The following ATP13A3 variants were observed in gnomAD, a reference collection of about 807,000 sequenced individuals.
ATP13A3 encodes polyamine-transporting ATPase 13A3.
ATP13A3 carries 59 observed loss-of-function variants against 158.1 expected under a neutral mutation model. That is an observed-to-expected ratio of 0.37 (90% CI 0.30 to 0.46). ATP13A3 has a LOEUF of 0.46. Among genes scored for constraint, ATP13A3 ranks in the 20% least tolerant of loss-of-function variants. The pLI is 1.00. For missense variants in ATP13A3, 1,166 were observed against 1,525.2 expected (o/e 0.76, Z 3.92); for synonymous variants, 491 against 504.3 (o/e 0.97, Z 0.35).
chr3:194,474,941 A>G (rs1300580437), intron 2 of ATP13A3, among the ~76,000 whole-genome samples: 1 of 152,258 alleles, frequency 6.6e-6, no homozygotes, highest in African/African-American at 2.4e-5. Context: ...TTGAGTTTAA[A>G]TTACTAATTA....
chr3:194,410,939 T>G (rs376394129), intron 33 of ATP13A3, among the ~76,000 whole-genome samples: 164 of 92,890 alleles, frequency 1.8e-3, no homozygotes, highest in Non-Finnish European at 2.0e-3. Flanking sequence ...GGTGTTGGGG[T>G]GTGTGTGTGT....
At position 194,434,517 on chromosome 3, in the gene ATP13A3, C is replaced by A. The variant is rs575679207; in HGVS notation, c.2121-621G>T. ...AAAGGGATGATCTCTGCTCTCAAGACACTTGGGTGGGGAAACAGACATGCA... is the reference window on the plus strand; with the variant it reads ...AAAGGGATGATCTCTGCTCTCAAGAAACTTGGGTGGGGAAACAGACATGCA... On this transcript the variant is annotated intron_variant, in intron 20 of 33. Coordinates refer to ENST00000645319, the MANE Select transcript of ATP13A3 (RefSeq NM_001367549.1). 3.9e-5 allele frequency among the ~76,000 whole-genome samples: 6 copies of A among 152,324 alleles called. No homozygotes were observed. The South Asian group carries it at 1.2e-3, about 32-fold the overall frequency.
At chr3:194,409,609 C>T (rs1024320159) in intron 33 of ATP13A3, among the ~76,000 whole-genome samples, 2 of 151,254 alleles carry the variant, frequency 1.3e-5, no homozygotes, top group Non-Finnish European at 2.9e-5. Context: ...GGGTCTCCAC[C>T]GAAGATTTCC....
chr3:194,419,564 G>A (rs1716139603), intron 31 of ATP13A3, among the ~76,000 whole-genome samples: 2 of 152,180 alleles, frequency 1.3e-5, no homozygotes, highest in African/African-American at 4.8e-5. Context: ...AAGGGAGCAT[G>A]TGTAGACTAC....
chr3:194,418,153 A>G (rs1271743248), intron 31 of ATP13A3, among the ~76,000 whole-genome samples: 1 of 152,236 alleles, frequency 6.6e-6, no homozygotes. Context: ...CGTAAGAGAA[A>G]AAAAGAAAAA....
upstream of ATP13A3, among the ~76,000 whole-genome samples, chr3:194,491,439 C>G (rs1721143918): frequency 6.6e-6 from 1 of 152,124 alleles, no homozygotes; most frequent in Admixed American, 6.5e-5. Context: ...AAATCCTTCC[C>G]CATTGCTCCA....
At chr3:194,468,839 G>A (rs1720154044) in intron 2 of ATP13A3, among the ~76,000 whole-genome samples, 2 of 152,116 alleles carry the variant, frequency 1.3e-5, no homozygotes, top group Non-Finnish European at 2.9e-5. Flanking sequence ...CCTTCAGTCA[G>A]TATTTGCCAT....
intron 15 of ATP13A3, among the ~76,000 whole-genome samples, chr3:194,443,267 G>A (rs796981497): frequency 6.8e-4 from 103 of 152,264 alleles, no homozygotes; most frequent in African/African-American, 2.1e-3. Context: ...GTTTTGGGGG[G>A]CAGGGGAGTG....
chr3:194,439,252 T>C (rs751292642), intron 16 of ATP13A3, among the ~76,000 whole-genome samples: 8 of 152,202 alleles, frequency 5.3e-5, no homozygotes, highest in Non-Finnish European at 1.2e-4. Context: ...CTGATCTCAC[T>C]TCACTCTTAC....
intron 2 of ATP13A3, among the ~76,000 whole-genome samples, chr3:194,483,122 A>T (rs1163386182): frequency 2.7e-5 from 4 of 149,712 alleles, no homozygotes; most frequent in East Asian, 2.0e-4. Context: ...AAAAAAAAAA[A>T]TTTTTTTTTA....
chr3:194,410,318 A>AAAAAC, intron 33 of ATP13A3, among the ~76,000 whole-genome samples: 1 of 145,994 alleles, frequency 6.8e-6, no homozygotes, highest in African/African-American at 2.6e-5. Flanking sequence ...AAAAAAAAAA[A>AAAAAC]AAAAAAAAAA....
At chr3:194,466,880 G>A (rs895713139) in intron 2 of ATP13A3, among the ~76,000 whole-genome samples, 1 of 152,174 alleles carries the variant, frequency 6.6e-6, no homozygotes, top group African/African-American at 2.4e-5. Flanking sequence ...CTTTTAGACA[G>A]AAGAAAACTT....
rs148644510 is a variant in ATP13A3 at position 194,445,038 on chromosome 3, A to ATAT, written c.1498-255_1498-253dup. 4.9e-3 allele frequency among the ~76,000 whole-genome samples: 745 copies of ATAT among 152,178 alleles called. 27 individuals carry two copies. The East Asian group carries it at 0.07, about 14-fold the overall frequency. ...TCTGCGTAAGGGCAGAGAGGGGTATATATTTACGTGCTTATACTATCAAAA... is the reference window on the plus strand; with the variant it reads ...TCTGCGTAAGGGCAGAGAGGGGTATATATTATTTACGTGCTTATACTATCAAAA... On this transcript the variant is annotated intron_variant, in intron 14 of 33. Coordinates refer to ENST00000645319, the MANE Select transcript of ATP13A3 (RefSeq NM_001367549.1).
At chr3:194,413,713 G>A (rs1291120886) in intron 32 of ATP13A3, 46 bp downstream of exon 32, 9 of 1,513,988 alleles carry the variant, frequency 5.9e-6, no homozygotes, top group Non-Finnish European at 8.3e-6. Flanking sequence ...AATCACCCAA[G>A]AATTCCAAAG....
chr3:194,457,937 C>A (rs1719352374), intron 6 of ATP13A3, among the ~76,000 whole-genome samples: 1 of 152,156 alleles, frequency 6.6e-6, no homozygotes, highest in African/African-American at 2.4e-5. Context: ...AGGCACACAC[C>A]ACCATGCCTA....
intron 20 of ATP13A3, among the ~76,000 whole-genome samples, chr3:194,436,373 T>C (rs189267622): frequency 1.6e-3 from 245 of 151,916 alleles, no homozygotes; most frequent in Non-Finnish European, 1.8e-3. Flanking sequence ...AGAAGTGGAG[T>C]GGGAGGAGCT....
chr3:194,436,301 C>T (rs1387529332), intron 20 of ATP13A3, among the ~76,000 whole-genome samples: 1 of 152,172 alleles, frequency 6.6e-6, no homozygotes. Context: ...GTCAAAGTGA[C>T]AATCCTTGAA....
chr3:194,431,243 T>A lies in ATP13A3; in HGVS notation c.2422-17A>T, dbSNP rs760505546. ...CGGAATAGCCTGTGTATATGAGACA[T>A]TGGGAACAATATTTAGGCAACCAAA... On this transcript the variant is annotated splice_polypyrimidine_tract_variant and intron_variant, in intron 22 of 33. Coordinates refer to ENST00000645319, the MANE Select transcript of ATP13A3 (RefSeq NM_001367549.1). 1.3e-6 allele frequency: 2 copies of A among 1,576,156 alleles called. No individual in the cohort carries two copies. The highest frequency in any genetic ancestry group is 1.7e-6 in the Non-Finnish European group (2 of 1,155,004).
rs2109089135 is a variant in ATP13A3 at position 194,486,990 on chromosome 3, C to CG, written c.-514dup. 6.6e-6 allele frequency: 1 copy of CG among 151,708 alleles called. No homozygotes were observed. Among genetic ancestry groups the CG allele is most frequent in the African/African-American group, 2.4e-5 (1 of 41,446 alleles). 9.4% of individuals were successfully genotyped at this position (151,708 alleles called of 1,614,324 possible). ...CGGCAGGCAGGCGGGGGAGCGCGCG[C>CG]GGGCTCAGGACTCCCGCGCCGGATG... On this transcript the variant is annotated 5_prime_UTR_variant, in exon 1 of 34. Coordinates refer to ENST00000645319, the MANE Select transcript of ATP13A3 (RefSeq NM_001367549.1).
Sources: gnomAD v4.1 joint callset for allele counts (sites outside exome capture counted in the v4.1 genomes callset) on GRCh38, gnomAD v4.1.1 for gene constraint, MANE v1.5 for transcripts, NCBI Gene and HGNC (gene_info 2026-07-23, HGNC 2026-07-21) for gene names.